The following PSMD9 variants were observed in gnomAD, a reference collection of about 807,000 sequenced individuals.
PSMD9 encodes the protein 26S proteasome non-ATPase regulatory subunit 9.
In PSMD9, 26 loss-of-function variants were observed where a neutral mutation model predicts 25.9. The ratio of observed to expected loss-of-function variants is 1.00; its 90% CI spans 0.73 to 1.39. The LOEUF (loss-of-function observed/expected upper bound fraction) is 1.39. PSMD9 is among the 40% of genes most tolerant of loss of function. The probability of loss-of-function intolerance (pLI) is 0.00; values close to 1 mark genes in which losing one functional copy is unlikely to be tolerated. For missense variants in PSMD9, 303 were observed against 299.3 expected, an observed-to-expected ratio of 1.01 and a Z score of -0.09; for synonymous variants, 110 against 114.5, an observed-to-expected ratio of 0.96 and a Z score of 0.25.
intron 1 of PSMD9, 64 bp from the exon 2 acceptor site, chr12:121,894,675 G>T: frequency 7.2e-7 from 1 of 1,395,532 alleles, no homozygotes; most frequent in South Asian, 1.2e-5. Context: ...AGAAGGGTCT[G>T]GGGAAAGACA....
chr12:121,905,111 CAT>C (rs1482300112), intron 4 of PSMD9, among the ~76,000 whole-genome samples: 1 of 151,898 alleles, frequency 6.6e-6, no homozygotes, highest in African/African-American at 2.4e-5. Flanking sequence ...AAAGACTGCT[CAT>C]ATACCAGCAC....
At chr12:121,889,061 C>A (rs971311201) in intron 1 of PSMD9, 67 bp downstream of exon 1, 1 of 1,520,626 alleles carries the variant, frequency 6.6e-7, no homozygotes, top group Non-Finnish European at 8.9e-7. Context: ...TACTGGGATG[C>A]CAGGGCGGCC....
At chr12:121,898,417 T>C (rs1249880490) in intron 2 of PSMD9, 1 of 152,234 alleles carries the variant, frequency 6.6e-6, no homozygotes, top group Non-Finnish European at 1.5e-5. Flanking sequence ...TTTTGTAGCA[T>C]TGGGTCTTCC....
At chr12:121,913,412 A>T (rs989530339) in intron 4 of PSMD9, among the ~76,000 whole-genome samples, 2 of 151,232 alleles carry the variant, frequency 1.3e-5, no homozygotes, top group African/African-American at 2.4e-5. Context: ...TTTTTTGTTG[A>T]TGTTGAGGTA....
chr12:121,909,295 A>G (rs1425999508), intron 4 of PSMD9, among the ~76,000 whole-genome samples: 2 of 150,060 alleles, frequency 1.3e-5, no homozygotes, highest in African/African-American at 4.9e-5. Context: ...ACGTGGGTGC[A>G]TGCGTCTACA....
chr12:121,913,325 T>C (rs1469386956), intron 4 of PSMD9, among the ~76,000 whole-genome samples: 1 of 151,428 alleles, frequency 6.6e-6, no homozygotes, highest in Non-Finnish European at 1.5e-5. Flanking sequence ...ATGATCCGCC[T>C]GCCTTGGCCT....
intron 4 of PSMD9, among the ~76,000 whole-genome samples, chr12:121,903,843 T>G (rs899970529): frequency 6.6e-6 from 1 of 151,936 alleles, no homozygotes; most frequent in Non-Finnish European, 1.5e-5. Flanking sequence ...ACGGCTAATT[T>G]TTTTATATTT....
intron 4 of PSMD9, among the ~76,000 whole-genome samples, chr12:121,913,115 T>C (rs1206932087): frequency 6.6e-6 from 1 of 151,528 alleles, no homozygotes; most frequent in Admixed American, 6.6e-5. Context: ...TTTTTTTGTG[T>C]GTGTATTTTT....
chr12:121,916,223 C>G, intron 5 of PSMD9, 61 bp from the exon 6 acceptor site: 3 of 1,594,318 alleles, frequency 1.9e-6, no homozygotes, highest in Non-Finnish European at 2.6e-6. Context: ...AAGGGCTCAG[C>G]CTCTGACCTT....
chr12:121,901,291 T>G (rs1342972472), intron 3 of PSMD9, among the ~76,000 whole-genome samples: 7 of 152,196 alleles, frequency 4.6e-5, no homozygotes, highest in Admixed American at 4.6e-4. Context: ...TATGTGACCT[T>G]TTATGACTGG....
rs1192668832 is a variant in PSMD9, at chr12:121,916,282, A to G, written c.645-2A>G. 6.2e-7 allele frequency: 1 copy of G among 1,614,062 alleles called. No individual in the cohort carries two copies. The highest frequency in any genetic ancestry group is 2.2e-5 in the East Asian group (1 of 44,900). On this transcript the variant is annotated splice_acceptor_variant, in intron 5 of 5. Transcript: ENST00000541212. LOFTEE classifies it high-confidence loss of function. Reference sequence around the variant, plus strand: ...CGCCATTCCTTTTCTTCTTTCTTCCAGCTGCAACATTATTCCTCTGCAAAG... The same window carrying G: ...CGCCATTCCTTTTCTTCTTTCTTCCGGCTGCAACATTATTCCTCTGCAAAG...
rs776124103 is a variant in PSMD9, at chr12:121,888,880, G to C, written c.24G>C (p.Gln8His). 5.0e-6 allele frequency: 8 copies of C among 1,603,876 alleles called. No homozygotes were observed. The Admixed American group carries it at 6.8e-5, about 14-fold the overall frequency. The change falls in exon 1 of 6, where the codon CAG (glutamine) becomes CAC (histidine). Residue 8 changes from glutamine to histidine, a missense_variant. By Grantham distance (24) the Gln-to-His change is conservative. Coordinates refer to ENST00000541212, the MANE Select transcript of PSMD9 (RefSeq NM_002813.7). MSDEEAR[Q>H]SGGSSQAGVV... The stretch of plus-strand genomic sequence containing the variant: ...CGATGTCCGACGAGGAAGCGAGGCA[G>C]AGCGGAGGCTCCTCGCAGGCCGGCG...
chr12:121,909,511 G>A (rs571755569), intron 4 of PSMD9, among the ~76,000 whole-genome samples: 187 of 151,566 alleles, frequency 1.2e-3, no homozygotes, highest in Non-Finnish European at 2.2e-3. Context: ...TGTAGAGACA[G>A]GGTCTTGCTA....
chr12:121,891,855 A>G (rs1434903777), intron 1 of PSMD9, among the ~76,000 whole-genome samples: 3 of 143,756 alleles, frequency 2.1e-5, no homozygotes, highest in East Asian at 4.1e-4. Flanking sequence ...GCAGTGAACC[A>G]AGACTGCACC....
intron 4 of PSMD9, chr12:121,915,555 A>G (rs1414226873): frequency 2.9e-6 from 1 of 342,430 alleles, no homozygotes; most frequent in African/African-American, 2.1e-5. Flanking sequence ...GATTACAGGC[A>G]TTTGTATGTC....
At chr12:121,896,852 A>C (rs1879244962) in intron 2 of PSMD9, among the ~76,000 whole-genome samples, 1 of 151,704 alleles carries the variant, frequency 6.6e-6, no homozygotes, top group Non-Finnish European at 1.5e-5. Flanking sequence ...AAAAAAAAAA[A>C]AGAAAAGAAA....
chr12:121,899,402 AG>A, intron 2 of PSMD9: 1 of 515,672 alleles, frequency 1.9e-6, no homozygotes, highest in Non-Finnish European at 3.5e-6. Flanking sequence ...GCTGCTGGCC[AG>A]GCCTCCCTGC....
intron 4 of PSMD9, 84 bp downstream of exon 4, chr12:121,903,191 G>A (rs11043237): frequency 0.036 from 45,244 of 1,251,308 alleles, 2,360 homozygotes; most frequent in African/African-American, 0.2. Context: ...AACAACAGAA[G>A]TTCATTTTTC....
intron 4 of PSMD9, among the ~76,000 whole-genome samples, chr12:121,903,747 CTTTTCT>C (rs1465954426): frequency 8.2e-6 from 1 of 122,496 alleles, no homozygotes; most frequent in East Asian, 2.3e-4. Context: ...TCTTAGAGAT[CTTTTCT>C]TTTTTTTTTT....
Sources: gnomAD v4.1 joint callset for allele counts (sites outside exome capture counted in the v4.1 genomes callset) on GRCh38, gnomAD v4.1.1 for gene constraint, MANE v1.5 for transcripts, NCBI Gene and HGNC (gene_info 2026-07-23, HGNC 2026-07-21) for gene names.